MAMDC2: variants seen among roughly 807,000 people sequenced by gnomAD.
MAMDC2 encodes MAM domain-containing protein 2.
MAMDC2 carries 57 observed loss-of-function variants against 89.8 expected under a neutral mutation model. That is an observed-to-expected ratio of 0.63 (90% CI 0.51 to 0.79). MAMDC2 has a LOEUF of 0.79. Among genes scored for constraint, MAMDC2 ranks in the 30% least tolerant of loss-of-function variants. The pLI is 0.00. For synonymous variants in MAMDC2, 313 were observed against 293.4 expected, an observed-to-expected ratio of 1.07 and a Z score of -0.68; for missense variants, 800 against 820.6, an observed-to-expected ratio of 0.97 and a Z score of 0.31.
intron 12 of MAMDC2, among the ~76,000 whole-genome samples, chr9:70,220,803 C>A (rs1019106905): frequency 9.2e-5 from 14 of 151,958 alleles, no homozygotes; most frequent in Admixed American, 4.6e-4. Context: ...TTTGGAGATA[C>A]CTTTTACACT....
chr9:70,168,976 G>A (rs559717575), intron 10 of MAMDC2, among the ~76,000 whole-genome samples, 181 bp downstream of exon 10: 5 of 152,304 alleles, frequency 3.3e-5, no homozygotes, highest in Admixed American at 6.5e-5. Context: ...AGTGTAATAT[G>A]TGTCTTTGTA....
At chr9:70,142,309 C>T (rs1397890081) in intron 8 of MAMDC2, among the ~76,000 whole-genome samples, 3 of 151,998 alleles carry the variant, frequency 2.0e-5, no homozygotes, top group Non-Finnish European at 2.9e-5. Context: ...ATGGCTGCAC[C>T]GTGGGGAGGA....
intron 2 of MAMDC2, among the ~76,000 whole-genome samples, chr9:70,072,916 A>G (rs924356906): frequency 6.6e-6 from 1 of 152,034 alleles, no homozygotes; most frequent in South Asian, 2.1e-4. Context: ...GCTCACTGCA[A>G]CCTCCGCCTG....
chr9:70,102,454 C>G (rs1828221448), intron 2 of MAMDC2, among the ~76,000 whole-genome samples: 1 of 152,152 alleles, frequency 6.6e-6, no homozygotes, highest in Non-Finnish European at 1.5e-5. Context: ...TTAGACCTAC[C>G]ATGCTGTGCC....
chr9:70,054,645 A>G (rs4744586), intron 2 of MAMDC2, among the ~76,000 whole-genome samples: 24,175 of 151,866 alleles, frequency 0.16, 1,962 homozygotes, highest in East Asian at 0.18. Context: ...AGTAAGGGGA[A>G]GGGACCAGCA....
intron 4 of MAMDC2, among the ~76,000 whole-genome samples, chr9:70,111,120 T>A (rs1431006502): frequency 6.6e-6 from 1 of 152,204 alleles, no homozygotes; most frequent in East Asian, 1.9e-4. Flanking sequence ...CCACCTGGCA[T>A]CTGCACAGCT....
chr9:70,078,351 G>A (rs182755910), intron 2 of MAMDC2, among the ~76,000 whole-genome samples: 36 of 152,184 alleles, frequency 2.4e-4, no homozygotes, highest in Admixed American at 5.2e-4. Flanking sequence ...TTTATGCTAC[G>A]TCAACCTAAA....
chr9:70,044,562 G>GA, intron 1 of MAMDC2, 22 bp from the exon 2 acceptor site: 2 of 1,542,930 alleles, frequency 1.3e-6, no homozygotes, highest in Non-Finnish European at 1.8e-6. Flanking sequence ...AGCTCGAACT[G>GA]AAACTCGCTT....
chr9:70,166,881 C>A (rs555144817), intron 9 of MAMDC2, among the ~76,000 whole-genome samples: 2 of 152,176 alleles, frequency 1.3e-5, no homozygotes, highest in African/African-American at 4.8e-5. Context: ...CCCCCACACC[C>A]CATAAAATAA....
intron 11 of MAMDC2, among the ~76,000 whole-genome samples, chr9:70,213,131 G>C (rs1308007798): frequency 2.0e-5 from 3 of 152,158 alleles, no homozygotes; most frequent in Non-Finnish European, 4.4e-5. Context: ...GACTTGTACT[G>C]TTACCAGTAG....
intron 11 of MAMDC2, among the ~76,000 whole-genome samples, chr9:70,206,281 T>A (rs1464464342): frequency 6.6e-6 from 1 of 152,206 alleles, no homozygotes; most frequent in Non-Finnish European, 1.5e-5. Context: ...GTTATAATTG[T>A]TCTATTTTAT....
intron 11 of MAMDC2, among the ~76,000 whole-genome samples, chr9:70,209,949 G>A (rs2033316612): frequency 6.6e-6 from 1 of 152,202 alleles, no homozygotes; most frequent in Non-Finnish European, 1.5e-5. Context: ...GCGGTTTTGA[G>A]TGAGTTTTTA....
At chr9:70,117,512 T>C (rs2148860) in intron 5 of MAMDC2, among the ~76,000 whole-genome samples, 145,203 of 152,246 alleles carry the variant, frequency 0.95, 69,281 homozygotes, top group East Asian at 1. Flanking sequence ...ATGTAGATGA[T>C]GGGTTGATGG....
intron 7 of MAMDC2, among the ~76,000 whole-genome samples, chr9:70,131,824 T>C (rs1367871085): frequency 1.3e-5 from 2 of 152,204 alleles, no homozygotes; most frequent in South Asian, 2.1e-4. Context: ...CATCAGCCAG[T>C]TGTCCTATCT....
At chr9:70,193,044 T>A (rs2118606836) in intron 11 of MAMDC2, among the ~76,000 whole-genome samples, 1 of 152,068 alleles carries the variant, frequency 6.6e-6, no homozygotes, top group South Asian at 2.1e-4. Flanking sequence ...TAAACTAACT[T>A]ATTAGGGTTC....
intron 11 of MAMDC2, among the ~76,000 whole-genome samples, chr9:70,186,732 A>G (rs181018536): frequency 1.6e-4 from 24 of 152,240 alleles, no homozygotes; most frequent in African/African-American, 5.3e-4. Flanking sequence ...CTAACAGCAT[A>G]GCACCAACAT....
intron 2 of MAMDC2, among the ~76,000 whole-genome samples, chr9:70,068,468 AGGACTTT>A (rs1171656720): frequency 5.9e-5 from 9 of 152,116 alleles, no homozygotes; most frequent in Admixed American, 3.3e-4. Context: ...CTGTAATCCC[AGGACTTT>A]GGGAGGCCAT....
At chr9:70,106,705 C>G (rs1432923404) in intron 2 of MAMDC2, among the ~76,000 whole-genome samples, 10 of 152,128 alleles carry the variant, frequency 6.6e-5, no homozygotes, top group Admixed American at 6.6e-4. Flanking sequence ...CACAAGGGTG[C>G]CTGGGTTGGC....
At chr9:70,217,775 T>C (rs968433170) in intron 11 of MAMDC2, 17 of 772,096 alleles carry the variant, frequency 2.2e-5, no homozygotes, top group Non-Finnish European at 3.7e-5. Context: ...AGGAATTAAG[T>C]AGGACAGGAA....
Sources: gnomAD v4.1 joint callset for allele counts (sites outside exome capture counted in the v4.1 genomes callset) on GRCh38, gnomAD v4.1.1 for gene constraint, MANE v1.5 for transcripts, NCBI Gene and HGNC (gene_info 2026-07-23, HGNC 2026-07-21) for gene names.